NF1: variants seen among roughly 807,000 people sequenced by gnomAD.
The protein encoded by NF1 is neurofibromin 1, also known as neurofibromin.
A neutral mutation model predicts 325.7 loss-of-function variants in NF1; 122 were observed. The ratio of observed to expected loss-of-function variants is 0.37; its 90% CI spans 0.32 to 0.44. The LOEUF (loss-of-function observed/expected upper bound fraction) is 0.44. NF1 is among the 20% of genes least tolerant of loss of function. The pLI is 1.00. For synonymous variants in NF1, 1,091 were observed against 1,186.0 expected (o/e 0.92, Z 1.65); for missense variants, 2,140 against 3,415.4 (o/e 0.63, Z 9.31).
intron 5 of NF1, among the ~76,000 whole-genome samples, chr17:31,179,582 T>C (rs1182691582): frequency 1.3e-5 from 2 of 152,040 alleles, no homozygotes; most frequent in Non-Finnish European, 2.9e-5. Flanking sequence ...GACCTCGTGA[T>C]CCGCCGCCTT....
chr17:31,266,612 A>G (rs2067794450), intron 36 of NF1, among the ~76,000 whole-genome samples: 3 of 152,104 alleles, frequency 2.0e-5, no homozygotes, highest in South Asian at 4.1e-4. Context: ...GGATATTTTT[A>G]CTTTTCCGTT....
intron 1 of NF1, among the ~76,000 whole-genome samples, chr17:31,154,772 G>A (rs920272767): frequency 1.4e-4 from 17 of 119,064 alleles, no homozygotes; most frequent in African/African-American, 5.0e-4. Flanking sequence ...ATGGAGTCTC[G>A]CCCGATCGCC....
At chr17:31,341,594 AGT>A (rs760580157) in intron 47 of NF1, among the ~76,000 whole-genome samples, 128 of 144,984 alleles carry the variant, frequency 8.8e-4, no homozygotes, top group South Asian at 3.5e-3. Flanking sequence ...ATATATATAA[AGT>A]GTGTGTGTGT....
intron 1 of NF1, among the ~76,000 whole-genome samples, chr17:31,124,735 G>C (rs1597588486): frequency 6.6e-6 from 1 of 151,146 alleles, no homozygotes; most frequent in South Asian, 2.1e-4. Flanking sequence ...GAGTAGCTGG[G>C]ACTACAGGTG....
intron 1 of NF1, among the ~76,000 whole-genome samples, chr17:31,110,477 T>A (rs1913300358): frequency 6.6e-6 from 1 of 152,042 alleles, no homozygotes; most frequent in African/African-American, 2.4e-5. Context: ...GCCTATCTTA[T>A]CCCTTTTGCC....
rs876658255 is a variant in NF1 at position 31,337,825 on chromosome 17, A to G, written c.6649A>G (p.Met2217Val). Residue 2217 changes from methionine (M) to valine (V), a missense_variant, in exon 44 of 58, where the codon ATG becomes GTG. Transcript: ENST00000358273. ...AGAGTATCCCCTTTTTTAGGCATGC[A>G]TGAGAGATATTCCAACGTGCAAGTG... ...EALLEIMEAC[M>V]RDIPTCKWLD... is the part of the protein sequence containing the mutation. 1 of 1,613,960 alleles carries G rather than the reference A, an allele frequency of 6.2e-7. No homozygotes were observed. Among genetic ancestry groups the G allele is most frequent in the Non-Finnish European group, 8.5e-7 (1 of 1,179,862 alleles).
chr17:31,140,907 T>C (rs992483979), intron 1 of NF1, among the ~76,000 whole-genome samples: 1 of 152,148 alleles, frequency 6.6e-6, no homozygotes, highest in Non-Finnish European at 1.5e-5. Context: ...AAAAGTCAAG[T>C]ATACGGAGAC....
At chr17:31,182,784 ATC>A in intron 8 of NF1, 119 bp downstream of exon 8, 1 of 960,070 alleles carries the variant, frequency 1.0e-6, no homozygotes. Context: ...CATTTAAATG[ATC>A]ATTTTAGGTT....
intron 57 of NF1, among the ~76,000 whole-genome samples, chr17:31,365,624 C>A (rs1183987541): frequency 6.6e-6 from 1 of 152,170 alleles, no homozygotes; most frequent in Non-Finnish European, 1.5e-5. Context: ...AGATATTTAT[C>A]CTACATATAT....
intron 36 of NF1, 31 bp downstream of exon 36, chr17:31,265,370 C>T (rs2151470475): frequency 2.0e-6 from 3 of 1,517,598 alleles, no homozygotes; most frequent in Non-Finnish European, 1.8e-6. Context: ...GGTCTCTTAA[C>T]AGAATTTTTT....
intron 37 of NF1, 49 bp from the exon 38 acceptor site, chr17:31,327,450 A>G (rs1471978707): frequency 4.1e-6 from 6 of 1,448,426 alleles, no homozygotes; most frequent in South Asian, 1.2e-5. Context: ...AATTTTATGT[A>G]AAAGAGTTTA....
At chr17:31,295,421 G>A (rs1278364449) in intron 36 of NF1, 1 of 1,614,028 alleles carries the variant, frequency 6.2e-7, no homozygotes, top group Non-Finnish European at 8.5e-7. Flanking sequence ...ATATTGTTTG[G>A]GTATTTTGGT....
chr17:31,350,353 A>C, intron 50 of NF1, 35 bp downstream of exon 50: 1 of 1,594,542 alleles, frequency 6.3e-7, no homozygotes, highest in East Asian at 2.2e-5. Context: ...TTACATAATC[A>C]TAATCAAGTT....
At chr17:31,202,320 G>A (rs2066544722) in intron 11 of NF1, among the ~76,000 whole-genome samples, 1 of 152,118 alleles carries the variant, frequency 6.6e-6, no homozygotes, top group African/African-American at 2.4e-5. Flanking sequence ...TGATAACTTA[G>A]TATATTTGAC....
At chr17:31,171,442 T>C (rs1336835436) in intron 5 of NF1, among the ~76,000 whole-genome samples, 2 of 152,214 alleles carry the variant, frequency 1.3e-5, no homozygotes, top group Non-Finnish European at 2.9e-5. Flanking sequence ...TGATTTTTCA[T>C]AACTATTCAG....
chr17:31,356,650 T>C, intron 52 of NF1, 68 bp downstream of exon 52: 1 of 1,594,530 alleles, frequency 6.3e-7, no homozygotes, highest in East Asian at 2.3e-5. Flanking sequence ...GTCATGTTTA[T>C]TTTCCAGCCA....
At chr17:31,203,645 A>G (rs528651749) in intron 11 of NF1, among the ~76,000 whole-genome samples, 5 of 152,264 alleles carry the variant, frequency 3.3e-5, no homozygotes, top group African/African-American at 1.2e-4. Context: ...GAAAAATCAC[A>G]TGAAATTATT....
intron 29 of NF1, among the ~76,000 whole-genome samples, chr17:31,238,319 T>G (rs2151440596): frequency 6.6e-6 from 1 of 152,300 alleles, no homozygotes; most frequent in South Asian, 2.1e-4. Context: ...GACCACAGTG[T>G]TCTGTTATCC....
At chr17:31,295,446 T>G in intron 36 of NF1, 1 of 1,614,150 alleles carries the variant, frequency 6.2e-7, no homozygotes. Context: ...TTGGGTTGAG[T>G]TACCACACTC....
Sources: gnomAD v4.1 joint callset for allele counts (sites outside exome capture counted in the v4.1 genomes callset) on GRCh38, gnomAD v4.1.1 for gene constraint, MANE v1.5 for transcripts, NCBI Gene and HGNC (gene_info 2026-07-23, HGNC 2026-07-21) for gene names.